The following MYOZ2 variants were observed in gnomAD, a reference collection of about 807,000 sequenced individuals.
The protein encoded by MYOZ2 is myozenin-2.
MYOZ2 carries 19 observed loss-of-function variants against 25.4 expected under a neutral mutation model. The ratio of observed to expected loss-of-function variants is 0.75; its 90% CI spans 0.52 to 1.10. The LOEUF (loss-of-function observed/expected upper bound fraction) is 1.10, where lower values mean the gene tolerates loss of function less well. Among genes scored for constraint, MYOZ2 ranks in the 50% least tolerant of loss-of-function variants. The probability of loss-of-function intolerance (pLI) is 0.00; values close to 1 mark genes in which losing one functional copy is unlikely to be tolerated. For synonymous variants in MYOZ2, 92 were observed against 106.9 expected, an observed-to-expected ratio of 0.86 and a Z score of 0.86; for missense variants, 270 against 317.9, an observed-to-expected ratio of 0.85 and a Z score of 1.15.
chr4:119,155,408 GGT>G (rs1741551156), intron 3 of MYOZ2, among the ~76,000 whole-genome samples: 2 of 152,138 alleles, frequency 1.3e-5, no homozygotes, highest in Non-Finnish European at 2.9e-5. Flanking sequence ...AGCACGAGAA[GGT>G]GGCATAGGTT....
Position 119,150,998 on chromosome 4 carries a change from A to G in MYOZ2, c.203A>G (p.Tyr68Cys). The change falls in exon 3 of 6, where the codon TAC becomes TGC. Residue 68 changes from tyrosine (Y) to cysteine (C), a missense_variant. Physicochemically the swap from Tyr to Cys is radical, Grantham distance 194. Transcript: ENST00000307128. ...FKMRQRRSDK[Y>C]TFENFQYQSR... ...ATGCGTCAAAGAAGATCTGACAAAT[A>G]CACATTTGAAAATTTCCAGTATCAA... The G allele has an allele frequency of 1.2e-6, 2 of 1,613,636 alleles. No homozygotes were observed. Among genetic ancestry groups the G allele is most frequent in the Non-Finnish European group, 1.7e-6 (2 of 1,179,560 alleles).
chr4:119,144,222 A>C (rs1377588796), intron 2 of MYOZ2, among the ~76,000 whole-genome samples: 1 of 152,196 alleles, frequency 6.6e-6, no homozygotes, highest in African/African-American at 2.4e-5. Flanking sequence ...CATACAGCAT[A>C]TAACCTTTTG....
intron 2 of MYOZ2, among the ~76,000 whole-genome samples, chr4:119,149,349 G>GA (rs1440289017): frequency 1.6e-4 from 25 of 152,344 alleles, no homozygotes; most frequent in African/African-American, 5.8e-4. Context: ...CTCACAGGGT[G>GA]AAATTCTGGG....
intron 5 of MYOZ2, among the ~76,000 whole-genome samples, chr4:119,171,766 G>A (rs1328635388): frequency 6.8e-6 from 1 of 146,984 alleles, no homozygotes; most frequent in Non-Finnish European, 1.5e-5. Flanking sequence ...AATATTACAC[G>A]AAGACTTTAT....
At position 119,185,953 on chromosome 4, in the gene MYOZ2, T is replaced by TTA. The variant is rs1742284196; in HGVS notation, c.561-13_561-12insTA. 1 of 1,597,918 alleles carries TTA rather than the reference T, an allele frequency of 6.3e-7. No homozygotes were observed. Among genetic ancestry groups the TTA allele is most frequent in the African/African-American group, 1.3e-5 (1 of 74,322 alleles). ...TATTAATTGAGATCTGTTTTTTTTT[T>TTA]AATTTCCCACAGGGTTGCCACACCA... On this transcript the variant is annotated splice_polypyrimidine_tract_variant and intron_variant, in intron 5 of 5. Transcript: ENST00000307128.
intron 2 of MYOZ2, 133 bp downstream of exon 2, chr4:119,136,734 G>A (rs1741033322): frequency 1.1e-6 from 1 of 934,258 alleles, no homozygotes; most frequent in African/African-American, 1.7e-5. Context: ...TGGAGCTCTA[G>A]GGGGTGTAGA....
At chr4:119,166,833 G>A (rs1578739997) in intron 5 of MYOZ2, among the ~76,000 whole-genome samples, 1 of 152,056 alleles carries the variant, frequency 6.6e-6, no homozygotes, top group African/African-American at 2.4e-5. Flanking sequence ...TGTTACTATT[G>A]TAACTGTTTT....
At chr4:119,162,507 G>T (rs937112936) in intron 4 of MYOZ2, among the ~76,000 whole-genome samples, 2 of 152,182 alleles carry the variant, frequency 1.3e-5, no homozygotes, top group African/African-American at 4.8e-5. Flanking sequence ...CTGACCCAGG[G>T]CAGGAGTAAC....
intron 5 of MYOZ2, among the ~76,000 whole-genome samples, chr4:119,170,600 G>A (rs1051778774): frequency 1.3e-5 from 2 of 152,118 alleles, no homozygotes; most frequent in African/African-American, 4.8e-5. Context: ...GCTGAAGAGA[G>A]AATTGCTAAA....
intron 2 of MYOZ2, among the ~76,000 whole-genome samples, chr4:119,148,951 C>G (rs1293176776): frequency 6.6e-6 from 1 of 151,464 alleles, no homozygotes; most frequent in Non-Finnish European, 1.5e-5. Context: ...TGAGATTTTT[C>G]TAGTTCTTTG....
chr4:119,157,925 A>C, intron 3 of MYOZ2, 97 bp from the exon 4 acceptor site: 2 of 1,456,736 alleles, frequency 1.4e-6, no homozygotes, highest in Non-Finnish European at 1.9e-6. Flanking sequence ...ATTGCATTTA[A>C]ATTATAAATA....
intron 2 of MYOZ2, among the ~76,000 whole-genome samples, chr4:119,139,412 T>C (rs1741110688): frequency 6.6e-6 from 1 of 152,210 alleles, no homozygotes; most frequent in Admixed American, 6.5e-5. Context: ...CATGAATTAG[T>C]TGTGGAGACA....
At chr4:119,159,669 T>C (rs557327209) in intron 4 of MYOZ2, among the ~76,000 whole-genome samples, 2 of 152,138 alleles carry the variant, frequency 1.3e-5, no homozygotes, top group Admixed American at 1.3e-4. Context: ...AAACAGTAAA[T>C]TTAGCAAAAG....
At chr4:119,185,882 A>T (rs891487506) in intron 5 of MYOZ2, 84 bp from the exon 6 acceptor site, 3 of 1,110,078 alleles carry the variant, frequency 2.7e-6, no homozygotes, top group Non-Finnish European at 4.0e-6. Flanking sequence ...CCATAAAATC[A>T]TGCCTATAAA....
Position 119,187,142 on chromosome 4 carries a change from G to A in MYOZ2, c.*942G>A, listed in dbSNP as rs977047619. ...GCTTTAGGACACAAACAAAAACAAA[G>A]GGCATGAAAGTATCTGAAAGCAATG... On this transcript the variant is annotated 3_prime_UTR_variant, in exon 6 of 6. Coordinates refer to ENST00000307128, the MANE Select transcript of MYOZ2 (RefSeq NM_016599.5). 6.6e-6 allele frequency: 1 copy of A among 151,988 alleles called. No individual in the cohort carries two copies. Among genetic ancestry groups the A allele is most frequent in the African/African-American group, 2.4e-5 (1 of 41,364 alleles). 9.4% of individuals were successfully genotyped at this position (151,988 alleles called of 1,614,324 possible). A position where few individuals can be genotyped will look rare whatever the true frequency, so the allele number is the denominator to read the frequency against.
chr4:119,168,129 T>G (rs1235085047), intron 5 of MYOZ2, among the ~76,000 whole-genome samples: 1 of 152,150 alleles, frequency 6.6e-6, no homozygotes, highest in East Asian at 1.9e-4. Flanking sequence ...CCTGCCATCA[T>G]GCTCAGCTAA....
At chr4:119,155,470 T>G (rs1481436800) in intron 3 of MYOZ2, among the ~76,000 whole-genome samples, 1 of 152,092 alleles carries the variant, frequency 6.6e-6, no homozygotes. Flanking sequence ...TCCGGTAGAT[T>G]AAGTTAGTTA....
chr4:119,136,753 T>C, intron 2 of MYOZ2, 152 bp downstream of exon 2: 1 of 789,290 alleles, frequency 1.3e-6, no homozygotes, highest in Non-Finnish European at 2.1e-6. Context: ...GAAAAGCCTA[T>C]GGTAACTAAT....
intron 2 of MYOZ2, among the ~76,000 whole-genome samples, chr4:119,139,866 C>A (rs1741123833): frequency 6.6e-6 from 1 of 152,186 alleles, no homozygotes; most frequent in Admixed American, 6.5e-5. Context: ...TTTTTTGGTA[C>A]GTTTTTTGTT....
Sources: gnomAD v4.1 joint callset for allele counts (sites outside exome capture counted in the v4.1 genomes callset) on GRCh38, gnomAD v4.1.1 for gene constraint, MANE v1.5 for transcripts, NCBI Gene and HGNC (gene_info 2026-07-23, HGNC 2026-07-21) for gene names.